Variants in HTR2C observed in about 807,000 individuals in gnomAD.
HTR2C encodes 5-hydroxytryptamine receptor 2C.
Under a neutral mutation model 21.0 loss-of-function variants are expected in HTR2C, and 5 were observed. The ratio of observed to expected loss-of-function variants is 0.24; its 90% confidence interval spans 0.12 to 0.50. The LOEUF (loss-of-function observed/expected upper bound fraction) is 0.50, where lower values mean the gene tolerates loss of function less well. Ranked by LOEUF, HTR2C falls within the 20% of genes least tolerant of loss-of-function variation. The pLI is 0.98. For synonymous variants in HTR2C, 150 were observed against 145.3 expected (o/e 1.03, Z -0.23); for missense variants, 271 against 371.2 (o/e 0.73, Z 2.22).
intron 4 of HTR2C, among the ~76,000 whole-genome samples, chrX:114,828,005 T>C (rs782631207): frequency 9.0e-6 from 1 of 110,869 alleles, no homozygotes; most frequent in Non-Finnish European, 1.9e-5. Flanking sequence ...ATGCGGCATG[T>C]TTTGGACCAT....
intron 4 of HTR2C, among the ~76,000 whole-genome samples, chrX:114,822,067 G>A (rs782217041): frequency 1.0e-4 from 11 of 109,907 alleles, no homozygotes; most frequent in Non-Finnish European, 1.5e-4. Flanking sequence ...GGCTGGTCTC[G>A]AACTCCTGAC....
chrX:114,743,300 G>A (rs1485107549), intron 4 of HTR2C, among the ~76,000 whole-genome samples: 2 of 109,942 alleles, frequency 1.8e-5, no homozygotes, highest in African/African-American at 6.6e-5. Flanking sequence ...CTGAGGAATC[G>A]CCACACTGAC....
intron 2 of HTR2C, among the ~76,000 whole-genome samples, chrX:114,692,665 T>A (rs1322376695): frequency 9.0e-6 from 1 of 111,250 alleles, no homozygotes; most frequent in Non-Finnish European, 1.9e-5. Flanking sequence ...TCTCTCATGT[T>A]AAAATAACTT....
At chrX:114,809,389 G>GTTT (rs148594275) in intron 4 of HTR2C, among the ~76,000 whole-genome samples, 3 of 98,750 alleles carry the variant, frequency 3.0e-5, no homozygotes, top group African/African-American at 3.6e-5. Flanking sequence ...CCTTTTTTTT[G>GTTT]TTGTTTTTTT....
intron 4 of HTR2C, among the ~76,000 whole-genome samples, chrX:114,742,717 T>C (rs1267807643): frequency 3.0e-5 from 2 of 65,917 alleles, no homozygotes; most frequent in African/African-American, 1.1e-4. Context: ...TACTGTTTTT[T>C]TTTTTTTTAA....
At chrX:114,723,037 G>A (rs1432434426) in intron 2 of HTR2C, among the ~76,000 whole-genome samples, 2 of 111,639 alleles carry the variant, frequency 1.8e-5, no homozygotes, top group South Asian at 3.8e-4. Flanking sequence ...CATCAAATGA[G>A]TTAGGGAGGA....
intron 1 of HTR2C, chrX:114,589,606 G>A: frequency 5.9e-6 from 1 of 170,729 alleles, no homozygotes; most frequent in Admixed American, 5.9e-5. Flanking sequence ...CGTACCGATA[G>A]TGCTCCCGAA....
intron 4 of HTR2C, among the ~76,000 whole-genome samples, chrX:114,791,922 A>G (rs1451893160): frequency 1.8e-5 from 2 of 111,386 alleles, no homozygotes; most frequent in African/African-American, 6.5e-5. Context: ...GGCCATTTTC[A>G]TTCATTGTAG....
chrX:114,765,584 T>C (rs143130614), intron 4 of HTR2C, among the ~76,000 whole-genome samples: 2 of 110,940 alleles, frequency 1.8e-5, no homozygotes, highest in East Asian at 5.7e-4. Context: ...ATGTTGAACA[T>C]ACTATGTTCC....
At chrX:114,606,907 T>G (rs1171865914) in intron 1 of HTR2C, among the ~76,000 whole-genome samples, 2 of 109,279 alleles carry the variant, frequency 1.8e-5, no homozygotes, top group African/African-American at 6.8e-5. Flanking sequence ...TGAAGGGAGA[T>G]GAGGGTGGGG....
chrX:114,655,469 A>T (rs782426186), intron 2 of HTR2C, among the ~76,000 whole-genome samples: 1 of 112,098 alleles, frequency 8.9e-6, no homozygotes, highest in African/African-American at 3.2e-5. Context: ...CACTATGTTA[A>T]TATTCTTTTG....
At chrX:114,821,474 T>C (rs1266057957) in intron 4 of HTR2C, among the ~76,000 whole-genome samples, 1 of 111,683 alleles carries the variant, frequency 9.0e-6, no homozygotes, top group African/African-American at 3.3e-5. Context: ...GAAATTGATT[T>C]TATAGGTTAT....
chrX:114,883,802 C>G (rs2071200534), intron 5 of HTR2C, among the ~76,000 whole-genome samples: 1 of 110,456 alleles, frequency 9.1e-6, no homozygotes, highest in African/African-American at 3.3e-5. Context: ...TTAAAATCTA[C>G]TCTCTTAGAA....
chrX:114,901,327 G>A (rs2071335439), intron 5 of HTR2C, among the ~76,000 whole-genome samples: 1 of 111,710 alleles, frequency 9.0e-6, no homozygotes, highest in African/African-American at 3.2e-5. Flanking sequence ...CAACTAATGG[G>A]CTTTTAAGAG....
rs1556468184 is a variant in HTR2C at position 114,848,144 on chromosome X, G to A, written c.491G>A (p.Arg164His). The A allele has an allele frequency of 2.5e-6, 3 of 1,209,451 alleles. No homozygotes were observed. Among genetic ancestry groups the A allele is most frequent in the East Asian group, 3.0e-5 (1 of 33,755 alleles). ...ATACGTAATCCTATTGAGCATAGCC[G>A]TTTCAATTCGCGGACTAAGGCCATC... ...VAIRNPIEHS[R>H]FNSRTKAIMK... The change falls in exon 5 of 6, where the codon CGT becomes CAT. Residue 164 changes from arginine to histidine, a missense_variant. Arg to His is a conservative substitution (Grantham distance 29). This residue lies in a region of HTR2C where 192 missense variants were observed against 247.2 expected (regional missense o/e 0.78). Coordinates refer to ENST00000276198, the MANE Select transcript of HTR2C (RefSeq NM_000868.4).
rs376918402 is a variant in HTR2C at position 114,743,105 on chromosome X, A to T, written c.349+11498A>T. 4.5e-4 allele frequency among the ~76,000 whole-genome samples: 37 copies of T among 81,799 alleles called. No individual in the cohort carries two copies. The East Asian group carries it at 9.9e-3, about 22-fold the overall frequency. 71.0% of individuals were successfully genotyped at this position (81,799 alleles called of 115,157 possible). On this transcript the variant is annotated intron_variant, in intron 4 of 5. Transcript: ENST00000276198. ...TAGTATTCCATGGTGTATATGTGCC[A>T]CATTTTCTTAATCCAGTCTATCATT...
At chrX:114,892,425 C>CA (rs1180262777) in intron 5 of HTR2C, among the ~76,000 whole-genome samples, 2 of 110,533 alleles carry the variant, frequency 1.8e-5, no homozygotes, top group Non-Finnish European at 3.8e-5. Flanking sequence ...TACAGTAAGG[C>CA]AAAAAATTAA....
At chrX:114,899,895 C>A (rs932923753) in intron 5 of HTR2C, among the ~76,000 whole-genome samples, 11 of 111,592 alleles carry the variant, frequency 9.9e-5, no homozygotes, top group Admixed American at 3.8e-4. Context: ...ATGAAAAAGT[C>A]TTAATTTTAC....
intron 5 of HTR2C, among the ~76,000 whole-genome samples, chrX:114,876,892 T>C (rs973389866): frequency 3.6e-5 from 4 of 111,224 alleles, no homozygotes; most frequent in African/African-American, 6.5e-5. Context: ...TCAAAGATAT[T>C]GGCCTGCAAT....
Sources: gnomAD v4.1 joint callset for allele counts (sites outside exome capture counted in the v4.1 genomes callset) on GRCh38, gnomAD v4.1.1 for gene constraint, gnomAD v4.1.1 regional missense constraint, MANE v1.5 for transcripts, NCBI Gene and HGNC (gene_info 2026-07-23, HGNC 2026-07-21) for gene names.